The following FIRRM variants were observed in gnomAD, a reference collection of about 807,000 sequenced individuals.
The protein encoded by FIRRM is FIGNL1-interacting regulator of recombination and mitosis.
the FIRRM span, chr1:169,802,690 T>A: frequency 1.2e-6 from 2 of 1,612,958 alleles, no homozygotes; most frequent in Middle Eastern, 3.3e-4. Flanking sequence ...AAGCCAAAAT[T>A]TGGAAATCCA....
At chr1:169,785,717 C>G in the FIRRM span, among the ~76,000 whole-genome samples, 1 of 152,060 alleles carries the variant, frequency 6.6e-6, no homozygotes, top group Non-Finnish European at 1.5e-5. Flanking sequence ...CAAAAGGGAA[C>G]TTTTTAGGTG....
At chr1:169,803,319 G>C in the FIRRM span, 1 of 1,612,624 alleles carries the variant, frequency 6.2e-7, no homozygotes, top group East Asian at 2.2e-5. Context: ...GGTGAGTAAA[G>C]GTCTAATTAT....
the FIRRM span, chr1:169,795,793 C>T: frequency 1.3e-5 from 13 of 980,532 alleles, no homozygotes; most frequent in South Asian, 5.2e-4. Context: ...TTCTTTCTTT[C>T]TTTTTTTTTG....
chr1:169,842,623 A>G, the FIRRM span: 1 of 1,481,470 alleles, frequency 6.8e-7, no homozygotes, highest in Admixed American at 2.1e-5. Context: ...TCCAGTGTAG[A>G]GTAAAATGTA....
At chr1:169,815,179 C>T in the FIRRM span, among the ~76,000 whole-genome samples, 22 of 151,596 alleles carry the variant, frequency 1.5e-4, no homozygotes, top group Non-Finnish European at 2.7e-4. Context: ...GCCTGTAATC[C>T]CAGCTACTCC....
chr1:169,841,502 C>T, the FIRRM span, among the ~76,000 whole-genome samples: 1 of 152,176 alleles, frequency 6.6e-6, no homozygotes, highest in African/African-American at 2.4e-5. Context: ...CTGTTTATTA[C>T]ATTCTCATAA....
the FIRRM span, chr1:169,792,585 G>C: frequency 1.8e-4 from 283 of 1,531,754 alleles, no homozygotes; most frequent in Non-Finnish European, 2.4e-4. Flanking sequence ...AATTAACCAG[G>C]AAACTTAAAA....
chr1:169,844,089 A>G, the FIRRM span, among the ~76,000 whole-genome samples: 4 of 152,350 alleles, frequency 2.6e-5, no homozygotes, highest in African/African-American at 9.6e-5. Flanking sequence ...CTGCATTCAT[A>G]GCAGTTTCAA....
chr1:169,851,920 A>G, the FIRRM span: 1 of 1,613,986 alleles, frequency 6.2e-7, no homozygotes, highest in African/African-American at 1.3e-5. Flanking sequence ...GAAGAAGCAA[A>G]GAGGTCATCT....
chr1:169,804,260 T>C, the FIRRM span: 1 of 1,447,082 alleles, frequency 6.9e-7, no homozygotes, highest in Non-Finnish European at 9.2e-7. Flanking sequence ...GAAAACTTTC[T>C]GCTTAGTATA....
At chr1:169,803,059 A>C in the FIRRM span, 4 of 929,990 alleles carry the variant, frequency 4.3e-6, no homozygotes, top group Non-Finnish European at 6.5e-6. Flanking sequence ...GAAAAGAGGA[A>C]GAGACTGTGT....
the FIRRM span, among the ~76,000 whole-genome samples, chr1:169,832,253 T>G: frequency 6.6e-6 from 1 of 152,218 alleles, no homozygotes; most frequent in Non-Finnish European, 1.5e-5. Context: ...ATTCTAAATT[T>G]AGATTCATTG....
At chr1:169,851,588 T>TATCA in the FIRRM span, 1 of 556,718 alleles carries the variant, frequency 1.8e-6, no homozygotes, top group Non-Finnish European at 3.1e-6. Context: ...GTTAGCAGAC[T>TATCA]ATCATTTTTT....
chr1:169,830,508 C>A, the FIRRM span, among the ~76,000 whole-genome samples: 1 of 152,102 alleles, frequency 6.6e-6, no homozygotes, highest in Non-Finnish European at 1.5e-5. Context: ...GAAACAAGTT[C>A]TTTCTTTGGT....
At chr1:169,797,722 C>G in the FIRRM span, among the ~76,000 whole-genome samples, 1 of 151,580 alleles carries the variant, frequency 6.6e-6, no homozygotes, top group Non-Finnish European at 1.5e-5. Context: ...TTTTTTGTAT[C>G]TTTAGTAGAG....
chr1:169,804,482 T>C, the FIRRM span: 3 of 255,784 alleles, frequency 1.2e-5, no homozygotes, highest in Admixed American at 1.0e-4. Flanking sequence ...TATAACTTTA[T>C]AATCTCTGAG....
chr1:169,822,577 G>A, the FIRRM span, among the ~76,000 whole-genome samples: 1 of 152,126 alleles, frequency 6.6e-6, no homozygotes. Flanking sequence ...TTGGCTCACT[G>A]CAACCTCTGC....
the FIRRM span, among the ~76,000 whole-genome samples, chr1:169,845,368 GGT>G: frequency 6.6e-6 from 1 of 152,196 alleles, no homozygotes; most frequent in African/African-American, 2.4e-5. Flanking sequence ...CCATCAGGAT[GGT>G]GGTTGCTGAA....
chr1:169,788,441 T>C, the FIRRM span, among the ~76,000 whole-genome samples: 1 of 152,264 alleles, frequency 6.6e-6, no homozygotes, highest in Non-Finnish European at 1.5e-5. Flanking sequence ...CTTAATTTAT[T>C]GTTAAGAATA....
Sources: gnomAD v4.1 joint callset for allele counts (sites outside exome capture counted in the v4.1 genomes callset) on GRCh38, gnomAD v4.1.1 for gene constraint, MANE v1.5 for transcripts, NCBI Gene and HGNC (gene_info 2026-07-23, HGNC 2026-07-21) for gene names.